UNC45B: variants seen among roughly 807,000 people sequenced by gnomAD.
The protein encoded by UNC45B is protein unc-45 homolog B.
UNC45B carries 78 observed loss-of-function variants against 98.7 expected under a neutral mutation model. The observed-to-expected ratio is 0.79, with a 90% CI of 0.66 to 0.95. The LOEUF (loss-of-function observed/expected upper bound fraction) is 0.95. UNC45B is among the 40% of genes least tolerant of loss of function. The pLI is 0.00. For synonymous variants in UNC45B, 462 were observed against 480.4 expected, an observed-to-expected ratio of 0.96 and a Z score of 0.50; for missense variants, 1,225 against 1,184.9, an observed-to-expected ratio of 1.03 and a Z score of -0.50.
rs1044310308 is a variant in UNC45B at position 35,182,558 on chromosome 17, T to G, written c.2374-869T>G. On this transcript the variant is annotated intron_variant, in intron 18 of 19. Coordinates refer to ENST00000394570, the MANE Select transcript of UNC45B (RefSeq NM_001267052.2). Reference sequence around the variant, plus strand: ...ATCACTTCCACTCATGTTCCATCTATGAGAACTAGGCCACCACCACATCGA... The same window carrying G: ...ATCACTTCCACTCATGTTCCATCTAGGAGAACTAGGCCACCACCACATCGA... Among the ~76,000 whole-genome samples the G allele has an allele frequency of 2.0e-5, 3 of 152,088 alleles. No homozygotes were observed. The East Asian group carries it at 5.8e-4, about 29-fold the overall frequency.
Position 35,159,488 on chromosome 17 carries a change from C to T in UNC45B, c.922C>T (p.Pro308Ser). The T allele has an allele frequency of 1.2e-6, 2 of 1,614,082 alleles. No homozygotes were observed. Among genetic ancestry groups the T allele is most frequent in the African/African-American group, 1.3e-5 (1 of 75,034 alleles). Reference protein sequence around the residue: ...QALNLLNKNVPRKDLAIHDNS... With the variant: ...QALNLLNKNVSRKDLAIHDNS... ...GCTGAACCTGCTCAATAAGAATGTT[C>T]CCAGGAAGGACCTTGCCATTCATGA... Residue 308 changes from proline to serine, a missense_variant, in exon 8 of 20, where the codon CCC becomes TCC. Transcript: ENST00000394570.
chr17:35,176,030 G>T lies in UNC45B; in HGVS notation c.2021G>T (p.Gly674Val). Residue 674 changes from glycine (G) to valine (V), a missense_variant, in exon 15 of 20, where the codon GGC (glycine) becomes GTC (valine). Gly to Val is a moderately radical substitution (Grantham distance 109). Coordinates refer to ENST00000394570, the MANE Select transcript of UNC45B (RefSeq NM_001267052.2). ...DRGTIVAQGG[G>V]KALIPLALEG... is the part of the protein sequence containing the mutation. ...GGCACCATTGTGGCTCAAGGTGGTG[G>T]CAAGGTAACTGGGCAGGTGCCTTCC... 1.9e-6 allele frequency: 3 copies of T among 1,614,178 alleles called. No homozygotes were observed. Among genetic ancestry groups the T allele is most frequent in the Non-Finnish European group, 2.5e-6 (3 of 1,180,028 alleles).
intron 4 of UNC45B, chr17:35,151,166 C>G (rs4796042): frequency 0.58 from 162,708 of 282,778 alleles, 48,332 homozygotes; most frequent in South Asian, 0.68. Flanking sequence ...TGTTCACTCG[C>G]CATTACTGAG....
intron 3 of UNC45B, among the ~76,000 whole-genome samples, chr17:35,149,552 G>T (rs2092001330): frequency 6.6e-6 from 1 of 152,206 alleles, no homozygotes; most frequent in African/African-American, 2.4e-5. Flanking sequence ...AAGTAGCCGG[G>T]ATTATAGGCG....
chr17:35,159,245 C>T, intron 7 of UNC45B, 130 bp from the exon 8 acceptor site: 1 of 917,646 alleles, frequency 1.1e-6, no homozygotes, highest in Non-Finnish European at 1.7e-6. Context: ...ACTATACTCC[C>T]CTGGGAATTC....
chr17:35,148,706 C>A (rs927677239), intron 2 of UNC45B, among the ~76,000 whole-genome samples: 2 of 152,120 alleles, frequency 1.3e-5, no homozygotes, highest in Admixed American at 1.3e-4. Flanking sequence ...CTCCCCCTAT[C>A]GCAGGTAAGA....
rs770363590 is a variant in UNC45B, at chr17:35,180,567, TC to T, written c.2265del (p.Phe756LeufsTer49). 3 of 1,613,752 alleles carry T rather than the reference TC, an allele frequency of 1.9e-6. No homozygotes were observed. Among genetic ancestry groups the T allele is most frequent in the Non-Finnish European group, 2.5e-6 (3 of 1,179,854 alleles). ...SGRSDKLRQK[I>X]FKERALPDIE... Reference sequence around the variant, plus strand: ...CCACCCTCCTACCCTAGGCAGAAGATCTTTAAGGAGAGGGCCTTGCCAGACA... The same window carrying T: ...CCACCCTCCTACCCTAGGCAGAAGATTTTAAGGAGAGGGCCTTGCCAGACA... On this transcript the variant is annotated frameshift_variant, in exon 18 of 20. Transcript: ENST00000394570. LOFTEE classifies it high-confidence loss of function.
Position 35,176,181 on chromosome 17 carries a change from T to C in UNC45B, c.2025+147T>C, listed in dbSNP as rs1012957664. 6 of 738,146 alleles carry C rather than the reference T, an allele frequency of 8.1e-6. No individual in the cohort carries two copies. The African/African-American group carries it at 1.0e-4, about 13-fold the overall frequency. 45.7% of individuals were successfully genotyped at this position (738,146 alleles called of 1,614,324 possible). ...TCTGTGCTCATAGCCCCAAGCCAAT[T>C]TCTGCTTGACTTTATGCTATGATGG... On this transcript the variant is annotated intron_variant, in intron 15 of 19. Transcript: ENST00000394570.
At chr17:35,148,122 T>C (rs2091987276) in intron 1 of UNC45B, 142 bp from the exon 2 acceptor site, 4 of 881,720 alleles carry the variant, frequency 4.5e-6, no homozygotes. Flanking sequence ...TTGGGGGTTC[T>C]GGGGGTGGGT....
intron 7 of UNC45B, among the ~76,000 whole-genome samples, chr17:35,156,656 T>C (rs2092064406): frequency 1.3e-5 from 2 of 152,038 alleles, no homozygotes; most frequent in South Asian, 2.1e-4. Context: ...GTAAATTTTA[T>C]GTAAATTTTA....
intron 8 of UNC45B, among the ~76,000 whole-genome samples, chr17:35,163,486 A>G (rs1204169119): frequency 6.6e-6 from 1 of 152,232 alleles, no homozygotes; most frequent in Non-Finnish European, 1.5e-5. Context: ...AAATGTAAAT[A>G]TGGCATTTAC....
rs566830264 is a variant in UNC45B at position 35,162,896 on chromosome 17, G to A, written c.980-1099G>A. Among the ~76,000 whole-genome samples, 3 of 152,184 alleles carry A rather than the reference G, an allele frequency of 2.0e-5. 1 individual carries two copies. The highest frequency in any genetic ancestry group is 4.1e-4 in the South Asian group (2 of 4,826). On this transcript the variant is annotated intron_variant, in intron 8 of 19. Transcript: ENST00000394570. ...CTCCCACTTCCCTGTACTACACAAGGTCTGACCAGCTCCAAGCCACCTCTA... is the reference window on the plus strand; with the variant it reads ...CTCCCACTTCCCTGTACTACACAAGATCTGACCAGCTCCAAGCCACCTCTA...
intron 9 of UNC45B, among the ~76,000 whole-genome samples, chr17:35,166,111 A>AAAAAAG (rs2092138825): frequency 8.2e-6 from 1 of 122,172 alleles, no homozygotes; most frequent in South Asian, 2.6e-4. Flanking sequence ...AAAAAAAAAA[A>AAAAAAG]TTAAAAATGA....
intron 7 of UNC45B, among the ~76,000 whole-genome samples, chr17:35,155,888 A>G (rs2092057584): frequency 6.6e-6 from 1 of 152,174 alleles, no homozygotes; most frequent in African/African-American, 2.4e-5. Flanking sequence ...GTATTTTCTG[A>G]TTATAAAAGT....
In UNC45B at chr17:35,189,170, G is replaced by A. The variant is rs1448720057; in HGVS notation, c.*2611G>A. 1 of 152,062 alleles carries A rather than the reference G, an allele frequency of 6.6e-6. No homozygotes were observed. Among genetic ancestry groups the A allele is most frequent in the East Asian group, 1.9e-4 (1 of 5,204 alleles). 9.4% of individuals were successfully genotyped at this position (152,062 alleles called of 1,614,324 possible). On this transcript the variant is annotated 3_prime_UTR_variant, in exon 20 of 20. Transcript: ENST00000394570. Reference sequence around the variant, plus strand: ...ATTTATATTATTACTTTTAACTGAAGTATGTTGTTATCAGAGAACTTGGTC... The same window carrying A: ...ATTTATATTATTACTTTTAACTGAAATATGTTGTTATCAGAGAACTTGGTC...
At chr17:35,160,600 G>A (rs4796043) in intron 8 of UNC45B, among the ~76,000 whole-genome samples, 4,805 of 152,164 alleles carry the variant, frequency 0.032, 220 homozygotes, top group Admixed American at 0.13. Context: ...CCATCATGCC[G>A]GGCTAATGTT....
At chr17:35,176,583 G>A (rs1005510962) in intron 15 of UNC45B, among the ~76,000 whole-genome samples, 8 of 152,136 alleles carry the variant, frequency 5.3e-5, no homozygotes, top group African/African-American at 1.9e-4. Flanking sequence ...AGGAACCTGA[G>A]GCAGGAGACT....
chr17:35,152,912 C>A lies in UNC45B; in HGVS notation c.401C>A (p.Thr134Lys). 4 of 1,614,156 alleles carry A rather than the reference C, an allele frequency of 2.5e-6. No individual in the cohort carries two copies. Among genetic ancestry groups the A allele is most frequent in the Non-Finnish European group, 3.4e-6 (4 of 1,180,016 alleles). ...IQEKLRVQFS[T>K]DSRVQKMFEI... Reference sequence around the variant, plus strand: ...CCTCAGCTCCGAGTGCAGTTCTCCACAGACTCGAGGGTACAGAAGATGTTT... The same window carrying A: ...CCTCAGCTCCGAGTGCAGTTCTCCAAAGACTCGAGGGTACAGAAGATGTTT... The change falls in exon 5 of 20, where the codon ACA (threonine) becomes AAA (lysine). Residue 134 changes from threonine to lysine, a missense_variant. Transcript: ENST00000394570.
chr17:35,177,107 G>T lies in UNC45B; in HGVS notation c.2116G>T (p.Asp706Tyr), dbSNP rs145818701. 2.6e-5 allele frequency: 42 copies of T among 1,614,186 alleles called. No homozygotes were observed. In the African/African-American group the frequency reaches 4.8e-4, roughly 18 times the overall value. Residue 706 changes from aspartate to tyrosine, a missense_variant, in exon 16 of 20, where the codon GAC becomes TAC. Transcript: ENST00000394570. The part of the protein sequence containing the change: ...LAKIAAVSNP[D>Y]IAFPGERVYE... The stretch of plus-strand genomic sequence containing the variant: ...AAAGATCGCTGCTGTCTCCAATCCG[G>T]ACATTGCTTTTCCTGGGGAGCGGGT...
Sources: allele counts gnomAD v4.1 joint callset (sites outside exome capture counted in the v4.1 genomes callset), GRCh38; gene constraint gnomAD v4.1.1; transcripts MANE v1.5; gene names NCBI Gene and HGNC (gene_info 2026-07-23, HGNC 2026-07-21).